RBM25: variants seen among roughly 807,000 people sequenced by gnomAD.
RBM25 encodes the protein RNA binding motif protein 25.
RBM25 carries 19 observed loss-of-function variants against 120.7 expected under a neutral mutation model. The ratio of observed to expected loss-of-function variants is 0.16; its 90% CI spans 0.11 to 0.23. The LOEUF is 0.23. Ranked by LOEUF, RBM25 falls within the 10% of genes least tolerant of loss-of-function variation. RBM25 has a pLI of 1.00. For missense variants in RBM25, 605 were observed against 1,041.5 expected, an observed-to-expected ratio of 0.58 and a Z score of 5.77; for synonymous variants, 390 against 326.7, an observed-to-expected ratio of 1.19 and a Z score of -2.09.
At chr14:73,071,059 T>A (rs1300341798) in intron 1 of RBM25, among the ~76,000 whole-genome samples, 1 of 151,170 alleles carries the variant, frequency 6.6e-6, no homozygotes, top group African/African-American at 2.4e-5. Context: ...CTGGCCAACA[T>A]GGTGAAACCC....
rs1299364400 is a variant in RBM25, at chr14:73,105,159, G to A, written c.1155-700G>A. ...TTTTTTTTTTTGGAGACGGGCTGGA[G>A]TGCAGTGATACAGTCATAGGTCACT... On this transcript the variant is annotated intron_variant, in intron 10 of 18. Transcript: ENST00000261973. 2.1e-5 allele frequency among the ~76,000 whole-genome samples: 3 copies of A among 141,966 alleles called. No homozygotes were observed. In the East Asian group the frequency reaches 6.1e-4, roughly 29 times the overall value. The allele number at this position is 141,966 out of a possible 152,430, so 93.1% of individuals were successfully genotyped here.
rs752446978 is a variant in RBM25, at chr14:73,105,976, A to G, written c.1272A>G (p.Glu424=). The G allele has an allele frequency of 1.9e-6, 3 of 1,614,022 alleles. No homozygotes were observed. ...AGCGAGAGAGGGAACGGGAGCGAGA[A>G]AGAGAAAAAGACAAAAAACGGGACC... ...ERERERERER[E]REKDKKRDRE... is the part of the protein sequence containing the mutation. Residue 424 remains glutamate, a synonymous_variant, in exon 11 of 19, where the codon GAA becomes GAG. Transcript: ENST00000261973.
At chr14:73,080,381 G>A (rs2140434480) in intron 4 of RBM25, among the ~76,000 whole-genome samples, 1 of 151,742 alleles carries the variant, frequency 6.6e-6, no homozygotes, top group South Asian at 2.1e-4. Context: ...CCGCCACCAT[G>A]CCCGGCTAAT....
chr14:73,085,063 G>A (rs1036922908), intron 5 of RBM25, among the ~76,000 whole-genome samples: 3 of 151,728 alleles, frequency 2.0e-5, no homozygotes, highest in Non-Finnish European at 4.4e-5. Context: ...TATGTTGCCA[G>A]GCTGGAGTGC....
chr14:73,103,275 A>G lies in RBM25; in HGVS notation c.951A>G (p.Glu317=), dbSNP rs1186320786. The change falls in exon 10 of 19, where the codon GAA becomes GAG. Residue 317 remains glutamate (E), a synonymous_variant. Transcript: ENST00000261973. ...GGAGAGAAAGAGAGAGGGAGCGTGAAAGGGAACGAGAAAGGCGAGAACGGG... is the reference window on the plus strand; with the variant it reads ...GGAGAGAAAGAGAGAGGGAGCGTGAGAGGGAACGAGAAAGGCGAGAACGGG... ...KERRERERER[E]RERERRERER... The G allele has an allele frequency of 6.3e-7, 1 of 1,592,760 alleles. No individual in the cohort carries two copies. Among genetic ancestry groups the G allele is most frequent in the Non-Finnish European group, 8.6e-7 (1 of 1,168,328 alleles).
intron 6 of RBM25, among the ~76,000 whole-genome samples, chr14:73,092,710 C>T (rs1311701285): frequency 6.6e-6 from 1 of 151,804 alleles, no homozygotes; most frequent in Non-Finnish European, 1.5e-5. Context: ...TCTCCTAATC[C>T]TATCCCTCCC....
intron 3 of RBM25, 94 bp downstream of exon 3, chr14:73,076,462 TA>T (rs1895425488): frequency 8.8e-7 from 1 of 1,134,284 alleles, no homozygotes; most frequent in Non-Finnish European, 1.3e-6. Flanking sequence ...TATGAGTATT[TA>T]AAAGAATAAC....
At chr14:73,077,742 A>G (rs1895456949) in intron 4 of RBM25, among the ~76,000 whole-genome samples, 1 of 152,236 alleles carries the variant, frequency 6.6e-6, no homozygotes, top group Non-Finnish European at 1.5e-5. Context: ...ACACATGTGT[A>G]CCACACACAC....
chr14:73,119,592 G>C (rs1896504624), intron 18 of RBM25, 121 bp from the exon 19 acceptor site: 1 of 1,521,294 alleles, frequency 6.6e-7, no homozygotes, highest in Non-Finnish European at 8.8e-7. Flanking sequence ...ATCTTAACTA[G>C]CATTTAAGTA....
At chr14:73,084,643 C>T (rs1895642031) in intron 5 of RBM25, among the ~76,000 whole-genome samples, 1 of 151,996 alleles carries the variant, frequency 6.6e-6, no homozygotes, top group Non-Finnish European at 1.5e-5. Context: ...ACTTCCACCT[C>T]CCAGGTTCAA....
intron 4 of RBM25, among the ~76,000 whole-genome samples, chr14:73,080,249 AG>A (rs1477213942): frequency 1.3e-5 from 1 of 79,038 alleles, no homozygotes; most frequent in Non-Finnish European, 2.1e-5. Flanking sequence ...TTTGAGATGG[AG>A]TCTTGCTCTG....
At chr14:73,085,494 G>C (rs1208037057) in intron 5 of RBM25, among the ~76,000 whole-genome samples, 1 of 148,882 alleles carries the variant, frequency 6.7e-6, no homozygotes, top group East Asian at 2.1e-4. Flanking sequence ...GCCCAGACTG[G>C]AGTGCGATGG....
At chr14:73,071,552 G>C in intron 1 of RBM25, 75 bp from the exon 2 acceptor site, 1 of 1,052,632 alleles carries the variant, frequency 9.5e-7, no homozygotes, top group Non-Finnish European at 1.4e-6. Flanking sequence ...CTCTAAAAAT[G>C]AAAGTCAACA....
intron 1 of RBM25, 83 bp from the exon 2 acceptor site, chr14:73,071,544 C>A: frequency 1.0e-6 from 1 of 995,856 alleles, no homozygotes; most frequent in Non-Finnish European, 1.5e-6. Context: ...TGCAGATACT[C>A]TAAAAATGAA....
chr14:73,091,440 C>T (rs1205147924), intron 6 of RBM25, among the ~76,000 whole-genome samples: 1 of 152,144 alleles, frequency 6.6e-6, no homozygotes, highest in East Asian at 1.9e-4. Context: ...TCTTGAACTC[C>T]TGGGCTTAAG....
intron 5 of RBM25, 63 bp from the exon 6 acceptor site, chr14:73,087,938 C>T (rs1209855888): frequency 4.6e-6 from 7 of 1,525,214 alleles, no homozygotes; most frequent in Non-Finnish European, 8.9e-7. Flanking sequence ...TTCTACTTTT[C>T]CATAATTTTT....
intron 1 of RBM25, among the ~76,000 whole-genome samples, chr14:73,062,238 CT>C (rs201596613): frequency 0.014 from 2,160 of 151,574 alleles, 114 homozygotes; most frequent in Non-Finnish European, 0.021. Context: ...TATTTTCATA[CT>C]TCTGAAAAGC....
intron 2 of RBM25, among the ~76,000 whole-genome samples, chr14:73,075,927 T>G (rs1390018614): frequency 6.6e-6 from 1 of 152,076 alleles, no homozygotes; most frequent in Admixed American, 6.6e-5. Context: ...ATTACAGGCG[T>G]GAGCCACCGT....
At chr14:73,109,266 G>T in intron 13 of RBM25, 76 bp from the exon 14 acceptor site, 1 of 1,463,954 alleles carries the variant, frequency 6.8e-7, no homozygotes, top group Non-Finnish European at 9.3e-7. Flanking sequence ...TTGAAAAGAG[G>T]TGCTGTTGGA....
Sources: gnomAD v4.1 joint callset for allele counts (sites outside exome capture counted in the v4.1 genomes callset) on GRCh38, gnomAD v4.1.1 for gene constraint, MANE v1.5 for transcripts, NCBI Gene and HGNC (gene_info 2026-07-23, HGNC 2026-07-21) for gene names.